Variants in LAPTM4B observed in about 807,000 individuals in gnomAD.
The protein encoded by LAPTM4B is lysosomal protein transmembrane 4 beta.
LAPTM4B carries 26 observed loss-of-function variants against 28.5 expected under a neutral mutation model. That is an observed-to-expected ratio of 0.91 (90% CI 0.67 to 1.27). LAPTM4B has a LOEUF of 1.27. Among genes scored for constraint, LAPTM4B ranks in the 50% most tolerant of loss-of-function variants. The pLI is 0.00. For missense variants in LAPTM4B, 288 were observed against 285.8 expected, an observed-to-expected ratio of 1.01 and a Z score of -0.06; for synonymous variants, 109 against 106.4, an observed-to-expected ratio of 1.02 and a Z score of -0.15.
intron 1 of LAPTM4B, among the ~76,000 whole-genome samples, chr8:97,803,986 T>A (rs1193408604): frequency 6.6e-6 from 1 of 152,198 alleles, no homozygotes; most frequent in Non-Finnish European, 1.5e-5. Flanking sequence ...GTTAGTGTTG[T>A]TAGTAAGAGG....
chr8:97,832,696 A>AT (rs1554592886), intron 6 of LAPTM4B, among the ~76,000 whole-genome samples: 22 of 144,718 alleles, frequency 1.5e-4, no homozygotes, highest in African/African-American at 3.5e-4. Flanking sequence ...ATTTTATTTT[A>AT]TTTTATTTTT....
chr8:97,792,957 G>A (rs1816527271), intron 1 of LAPTM4B, among the ~76,000 whole-genome samples: 1 of 152,058 alleles, frequency 6.6e-6, no homozygotes, highest in Non-Finnish European at 1.5e-5. Context: ...GTTTAGGTCT[G>A]TTACTTTCTG....
intron 5 of LAPTM4B, among the ~76,000 whole-genome samples, chr8:97,819,507 C>A (rs1193127828): frequency 6.6e-6 from 1 of 152,050 alleles, no homozygotes; most frequent in Non-Finnish European, 1.5e-5. Context: ...ATTGCAACGT[C>A]TGTTACAAGG....
intron 2 of LAPTM4B, among the ~76,000 whole-genome samples, chr8:97,809,909 G>T (rs377478580): frequency 2.6e-5 from 4 of 152,136 alleles, no homozygotes; most frequent in African/African-American, 9.6e-5. Context: ...AATAAAGAAA[G>T]AAAATATAAG....
At chr8:97,849,891 G>A (rs566420491) in intron 6 of LAPTM4B, among the ~76,000 whole-genome samples, 1 of 149,134 alleles carries the variant, frequency 6.7e-6, no homozygotes, top group South Asian at 2.1e-4. Flanking sequence ...AGGGCCCAGT[G>A]CGAGCGGAGA....
At chr8:97,784,716 G>T (rs1211204425) in intron 1 of LAPTM4B, among the ~76,000 whole-genome samples, 2 of 152,172 alleles carry the variant, frequency 1.3e-5, no homozygotes, top group East Asian at 1.9e-4. Flanking sequence ...GGGATTACAG[G>T]CATGAGCCAC....
chr8:97,830,366 AAGGGTGGCACCTTG>A (rs1212510482), intron 6 of LAPTM4B, among the ~76,000 whole-genome samples: 1 of 152,142 alleles, frequency 6.6e-6, no homozygotes, highest in African/African-American at 2.4e-5. Context: ...GGAGAGAGTT[AAGGGTGGCACCTTG>A]AGGGTGAGAC....
chr8:97,785,438 CTG>C (rs1010165581), intron 1 of LAPTM4B, among the ~76,000 whole-genome samples: 13 of 152,274 alleles, frequency 8.5e-5, no homozygotes, highest in Admixed American at 7.8e-4. Flanking sequence ...GCTATCAAAA[CTG>C]TTTATTAATA....
intron 2 of LAPTM4B, among the ~76,000 whole-genome samples, chr8:97,813,288 A>G (rs1462117018): frequency 6.6e-6 from 1 of 152,236 alleles, no homozygotes; most frequent in Non-Finnish European, 1.5e-5. Context: ...CAGGAGTCCA[A>G]AAGCGGAAGA....
At chr8:97,824,968 A>G in intron 5 of LAPTM4B, 90 bp from the exon 6 acceptor site, 2 of 726,232 alleles carry the variant, frequency 2.8e-6, no homozygotes, top group South Asian at 1.6e-5. Flanking sequence ...TATGTCAATA[A>G]AAGTTTTATA....
At chr8:97,849,458 T>C (rs539183895) in intron 6 of LAPTM4B, among the ~76,000 whole-genome samples, 3 of 152,378 alleles carry the variant, frequency 2.0e-5, no homozygotes, top group Non-Finnish European at 2.9e-5. Context: ...GCATGTGTTC[T>C]GTACTGAGTG....
chr8:97,780,964 T>C (rs973932316), intron 1 of LAPTM4B, among the ~76,000 whole-genome samples: 2 of 152,020 alleles, frequency 1.3e-5, no homozygotes, highest in Non-Finnish European at 2.9e-5. Flanking sequence ...TCTTTTTTTT[T>C]CTTTTATTGA....
At chr8:97,825,969 A>G (rs914944627) in intron 6 of LAPTM4B, among the ~76,000 whole-genome samples, 6 of 152,200 alleles carry the variant, frequency 3.9e-5, no homozygotes, top group Admixed American at 3.9e-4. Context: ...CATAAATGGT[A>G]GGACGTCAAA....
chr8:97,806,211 A>G (rs1243045877), intron 2 of LAPTM4B, among the ~76,000 whole-genome samples: 1 of 152,124 alleles, frequency 6.6e-6, no homozygotes, highest in Non-Finnish European at 1.5e-5. Flanking sequence ...TTCTCCAAGT[A>G]AGAAAAAGCT....
At chr8:97,805,504 TCTGA>T (rs1816746357) in intron 2 of LAPTM4B, 40 bp downstream of exon 2, 1 of 1,091,668 alleles carries the variant, frequency 9.2e-7, no homozygotes, top group Non-Finnish European at 1.4e-6. Flanking sequence ...GGGCAGGGAA[TCTGA>T]CTGCCAGCAC....
At chr8:97,839,332 T>TA (rs1212810307) in intron 6 of LAPTM4B, among the ~76,000 whole-genome samples, 1 of 152,126 alleles carries the variant, frequency 6.6e-6, no homozygotes, top group Non-Finnish European at 1.5e-5. Context: ...TAGCTGGGAT[T>TA]ACAGGCATGT....
intron 1 of LAPTM4B, among the ~76,000 whole-genome samples, chr8:97,800,996 C>T (rs1816667522): frequency 6.6e-6 from 1 of 152,074 alleles, no homozygotes; most frequent in Non-Finnish European, 1.5e-5. Context: ...TACGGGACCC[C>T]AGACTCACAC....
intron 5 of LAPTM4B, among the ~76,000 whole-genome samples, chr8:97,824,261 G>A (rs945807288): frequency 2.0e-5 from 3 of 152,078 alleles, no homozygotes; most frequent in Non-Finnish European, 4.4e-5. Flanking sequence ...TCGAACTGCC[G>A]GACTTTTCCA....
chr8:97,819,251 A>C lies in LAPTM4B; in HGVS notation c.507+13A>C. ...CTTGACTTTTAAGGTAAGCATGAAGATTTTACTTATAGTCTAAAAATATTA... is the reference window on the plus strand; with the variant it reads ...CTTGACTTTTAAGGTAAGCATGAAGCTTTTACTTATAGTCTAAAAATATTA... On this transcript the variant is annotated intron_variant, in intron 5 of 6. Coordinates refer to ENST00000521545, the MANE Select transcript of LAPTM4B (RefSeq NM_018407.6). The C allele has an allele frequency of 2.1e-6, 3 of 1,460,208 alleles. No individual in the cohort carries two copies. The highest frequency in any genetic ancestry group is 2.9e-6 in the Non-Finnish European group (3 of 1,049,646). The allele number at this position is 1,460,208 out of a possible 1,614,324, so 90.5% of individuals were successfully genotyped here.
Sources: gnomAD v4.1 joint callset for allele counts (sites outside exome capture counted in the v4.1 genomes callset) on GRCh38, gnomAD v4.1.1 for gene constraint, MANE v1.5 for transcripts, NCBI Gene and HGNC (gene_info 2026-07-23, HGNC 2026-07-21) for gene names.